AUTS2: variants seen among roughly 807,000 people sequenced by gnomAD.
AUTS2 encodes autism susceptibility gene 2 protein.
In AUTS2, 17 loss-of-function variants were observed where a neutral mutation model predicts 112.4. The observed-to-expected ratio is 0.15, with a 90% CI of 0.10 to 0.23. The LOEUF (loss-of-function observed/expected upper bound fraction) is 0.23. Among genes scored for constraint, AUTS2 ranks in the 10% least tolerant of loss-of-function variants. AUTS2 has a pLI of 1.00. For synonymous variants in AUTS2, 751 were observed against 702.7 expected (o/e 1.07, Z -1.09); for missense variants, 1,510 against 1,701.6 (o/e 0.89, Z 1.98).
intron 10 of AUTS2, among the ~76,000 whole-genome samples, chr7:70,770,114 T>C (rs1585660020): frequency 6.6e-6 from 1 of 152,230 alleles, no homozygotes; most frequent in African/African-American, 2.4e-5. Context: ...GGATAATATA[T>C]GAAGTACTCA....
At chr7:70,483,841 T>G (rs926664826) in intron 5 of AUTS2, among the ~76,000 whole-genome samples, 1 of 152,202 alleles carries the variant, frequency 6.6e-6, no homozygotes, top group Admixed American at 6.5e-5. Flanking sequence ...TAAGTTCCCT[T>G]GATAAGCAGC....
chr7:70,420,753 A>C (rs1795184161), intron 4 of AUTS2, among the ~76,000 whole-genome samples: 3 of 152,210 alleles, frequency 2.0e-5, no homozygotes, highest in Admixed American at 1.3e-4. Flanking sequence ...ATCTGTAGTG[A>C]CAGAAGGCAC....
At chr7:70,530,515 C>G (rs1182969437) in intron 5 of AUTS2, among the ~76,000 whole-genome samples, 1 of 152,098 alleles carries the variant, frequency 6.6e-6, no homozygotes, top group African/African-American at 2.4e-5. Context: ...ATGCTCAAGC[C>G]TTTCTTTTTC....
intron 5 of AUTS2, among the ~76,000 whole-genome samples, chr7:70,689,757 C>T (rs1352280416): frequency 2.6e-5 from 3 of 117,434 alleles, no homozygotes; most frequent in Admixed American, 1.2e-4. Context: ...GCCTAGGCGA[C>T]AGAGCAAGAC....
intron 5 of AUTS2, among the ~76,000 whole-genome samples, chr7:70,460,322 G>A (rs563952341): frequency 7.1e-6 from 1 of 140,986 alleles, no homozygotes; most frequent in East Asian, 2.3e-4. Context: ...GCCAACCTCA[G>A]CAAGGACAGC....
intron 4 of AUTS2, among the ~76,000 whole-genome samples, chr7:70,418,105 G>A (rs970061578): frequency 1.3e-5 from 2 of 149,568 alleles, no homozygotes; most frequent in South Asian, 4.2e-4. Context: ...GTGTGTGTGT[G>A]TGTGTGTCTG....
At chr7:70,039,507 C>T (rs1425039037) in intron 2 of AUTS2, among the ~76,000 whole-genome samples, 1 of 152,020 alleles carries the variant, frequency 6.6e-6, no homozygotes, top group African/African-American at 2.4e-5. Flanking sequence ...GGATTACAGG[C>T]GCCTGACTAA....
intron 5 of AUTS2, among the ~76,000 whole-genome samples, chr7:70,586,108 C>G (rs546159442): frequency 5.3e-5 from 8 of 152,242 alleles, no homozygotes; most frequent in African/African-American, 1.7e-4. Flanking sequence ...AGTGATCCTC[C>G]TGCCTCAGCC....
intron 2 of AUTS2, among the ~76,000 whole-genome samples, chr7:70,055,113 A>C (rs772699900): frequency 1.3e-5 from 2 of 152,126 alleles, no homozygotes; most frequent in Non-Finnish European, 2.9e-5. Flanking sequence ...CATTTCCTCT[A>C]TTCAGAGTCA....
intron 5 of AUTS2, among the ~76,000 whole-genome samples, chr7:70,697,305 C>T (rs952395587): frequency 6.6e-6 from 1 of 152,170 alleles, no homozygotes; most frequent in South Asian, 2.1e-4. Context: ...TTTGCACATA[C>T]ATTCATTGTT....
At chr7:69,725,410 T>C (rs549714454) in intron 1 of AUTS2, among the ~76,000 whole-genome samples, 28 of 152,212 alleles carry the variant, frequency 1.8e-4, no homozygotes, top group African/African-American at 6.7e-4. Context: ...AGATACACAT[T>C]AGGTACACAG....
chr7:69,860,882 G>A (rs1190500875), intron 1 of AUTS2, among the ~76,000 whole-genome samples: 1 of 152,018 alleles, frequency 6.6e-6, no homozygotes. Context: ...TTAATTATTC[G>A]GAGGCTACTT....
At chr7:70,036,055 G>C (rs1584615158) in intron 2 of AUTS2, among the ~76,000 whole-genome samples, 1 of 152,196 alleles carries the variant, frequency 6.6e-6, no homozygotes, top group Non-Finnish European at 1.5e-5. Context: ...ATGGGGGAAG[G>C]GGGGATCCCT....
chr7:70,341,299 C>T (rs1422936190), intron 4 of AUTS2, among the ~76,000 whole-genome samples: 3 of 152,182 alleles, frequency 2.0e-5, no homozygotes, highest in Non-Finnish European at 4.4e-5. Flanking sequence ...ATAAAAGGCA[C>T]AAAGGCACTG....
At chr7:69,999,991 A>G (rs1799112290) in intron 2 of AUTS2, among the ~76,000 whole-genome samples, 1 of 152,174 alleles carries the variant, frequency 6.6e-6, no homozygotes, top group East Asian at 1.9e-4. Flanking sequence ...GTGTGTGCAC[A>G]TGTGCATTTT....
At chr7:69,986,455 G>C (rs1356862604) in intron 2 of AUTS2, among the ~76,000 whole-genome samples, 1 of 152,200 alleles carries the variant, frequency 6.6e-6, no homozygotes, top group Non-Finnish European at 1.5e-5. Context: ...TTCACATCCA[G>C]GCTCACTTGG....
chr7:69,803,027 G>A (rs560687115), intron 1 of AUTS2, among the ~76,000 whole-genome samples: 2 of 152,204 alleles, frequency 1.3e-5, no homozygotes, highest in African/African-American at 2.4e-5. Flanking sequence ...CAAAAATGTC[G>A]TTGTCCACAT....
At chr7:70,453,257 C>A (rs1003814326) in intron 5 of AUTS2, among the ~76,000 whole-genome samples, 1 of 152,178 alleles carries the variant, frequency 6.6e-6, no homozygotes, top group African/African-American at 2.4e-5. Flanking sequence ...TTAATGATAG[C>A]GTTGCTGTCT....
At chr7:69,823,160 TCC>T (rs1463207200) in intron 1 of AUTS2, among the ~76,000 whole-genome samples, 2 of 152,204 alleles carry the variant, frequency 1.3e-5, no homozygotes, top group East Asian at 3.8e-4. Context: ...CACTTGAGTT[TCC>T]TTTCAGCAAC....
Sources: gnomAD v4.1 joint callset for allele counts (sites outside exome capture counted in the v4.1 genomes callset) on GRCh38, gnomAD v4.1.1 for gene constraint, MANE v1.5 for transcripts, NCBI Gene and HGNC (gene_info 2026-07-23, HGNC 2026-07-21) for gene names.